CPT1B: variants seen among roughly 807,000 people sequenced by gnomAD.
CPT1B encodes carnitine O-palmitoyltransferase 1, muscle isoform.
CPT1B carries 57 observed loss-of-function variants against 92.7 expected under a neutral mutation model. The observed-to-expected ratio is 0.62, with a 90% CI of 0.50 to 0.77. The LOEUF is 0.77. CPT1B is among the 30% of genes least tolerant of loss of function. The probability of loss-of-function intolerance (pLI) is 0.00; values close to 1 mark genes in which losing one functional copy is unlikely to be tolerated. For missense variants in CPT1B, 983 were observed against 1,017.4 expected (o/e 0.97, Z 0.46); for synonymous variants, 398 against 383.5 (o/e 1.04, Z -0.44).
At position 50,574,029 on chromosome 22, in the gene CPT1B, G is replaced by A. The variant is rs865939711; in HGVS notation, c.970+306C>T. 27 of 689,996 alleles carry A rather than the reference G, an allele frequency of 3.9e-5. No homozygotes were observed. The Middle Eastern group carries it at 2.3e-3, about 60-fold the overall frequency. 42.7% of individuals were successfully genotyped at this position (689,996 alleles called of 1,614,324 possible). The stretch of plus-strand genomic sequence containing the variant: ...AGGCTGCTGCCTCTGCCAGACCCCT[G>A]GGTGCGCCCCTCCCCTCCTCTGCCG... On this transcript the variant is annotated intron_variant, in intron 9 of 19. Coordinates refer to ENST00000312108, the MANE Select transcript of CPT1B (RefSeq NM_152246.3).
In CPT1B at chr22:50,569,328, T is replaced by A; in HGVS notation, c.*2+8A>T. 2 of 1,613,764 alleles carry A rather than the reference T, an allele frequency of 1.2e-6. No homozygotes were observed. Among genetic ancestry groups the A allele is most frequent in the African/African-American group, 2.7e-5 (2 of 75,034 alleles). ...TGGGGACGAAAGGGCAGCTGGCATT[T>A]CTCCAACCTTCAGCTGTAGGCCTTG... On this transcript the variant is annotated splice_region_variant and intron_variant, in intron 19 of 19. Transcript: ENST00000312108.
Position 50,572,106 on chromosome 22 carries a change from T to A in CPT1B, c.1475A>T (p.Asp492Val), listed in dbSNP as rs1282112910. ...GHLWEFVLGT[D>V]SFHLGYTETG... Reference sequence around the variant, plus strand: ...CTCCGTGTAGCCCAGGTGGAAGCTGTCTGTGCCCAGGACAAACTGCAGGGA... The same window carrying A: ...CTCCGTGTAGCCCAGGTGGAAGCTGACTGTGCCCAGGACAAACTGCAGGGA... The change falls in exon 13 of 20, where the codon GAC becomes GTC. Residue 492 changes from aspartate to valine, a missense_variant. By Grantham distance (152) the Asp-to-Val change is radical. Coordinates refer to ENST00000312108, the MANE Select transcript of CPT1B (RefSeq NM_152246.3). 1.2e-6 allele frequency: 2 copies of A among 1,614,084 alleles called. No homozygotes were observed. Among genetic ancestry groups the A allele is most frequent in the Admixed American group, 1.7e-5 (1 of 60,022 alleles).
intron 13 of CPT1B, chr22:50,571,782 C>T (rs1409141891): frequency 1.5e-6 from 1 of 648,548 alleles, no homozygotes; most frequent in African/African-American, 1.8e-5. Flanking sequence ...TCCTCCATCT[C>T]ATGGCTGTCT....
rs536023069 is a variant in CPT1B, at chr22:50,572,052, G to A, written c.1529C>T (p.Pro510Leu). ...CAGCCGTGTAGGAGGTGCGAGCGCA[G>A]GGTTCGGTTTGCCCAGGCAGTGCCC... ...ETGHCLGKPN[P>L]ALAPPTRLQW... Residue 510 changes from proline to leucine, a missense_variant, in exon 13 of 20, where the codon CCT (proline) becomes CTT (leucine). Coordinates refer to ENST00000312108, the MANE Select transcript of CPT1B (RefSeq NM_152246.3). 3.1e-6 allele frequency: 5 copies of A among 1,614,176 alleles called. No individual in the cohort carries two copies. The highest frequency in any genetic ancestry group is 2.2e-5 in the South Asian group (2 of 91,090).
At chr22:50,569,209 G>A in intron 19 of CPT1B, 127 bp downstream of exon 19, 1 of 843,684 alleles carries the variant, frequency 1.2e-6, no homozygotes, top group East Asian at 2.5e-5. Context: ...TGCCCAGCGA[G>A]GACCTGCTGC....
At position 50,571,448 on chromosome 22, in the gene CPT1B, T is replaced by C. The variant is rs769492918; in HGVS notation, c.1667A>G (p.Lys556Arg). 1.2e-6 allele frequency: 2 copies of C among 1,613,688 alleles called. No individual in the cohort carries two copies. The highest frequency in any genetic ancestry group is 1.7e-6 in the Non-Finnish European group (2 of 1,180,016). ...LYCFQFLPFG[K>R]GLIKKCRTSP... is the part of the protein sequence containing the mutation. ...GGTCCGGCACTTCTTGATGAGGCCT[T>C]TGCCAAAGGGCAGGAACTGGAAGCA... Residue 556 changes from lysine (K) to arginine (R), a missense_variant, in exon 14 of 20, where the codon AAA becomes AGA. Physicochemically the swap from Lys to Arg is conservative, Grantham distance 26 (BLOSUM62 2). Coordinates refer to ENST00000312108, the MANE Select transcript of CPT1B (RefSeq NM_152246.3).
chr22:50,572,549 T>C (rs1453966997), intron 11 of CPT1B, among the ~76,000 whole-genome samples: 3 of 152,112 alleles, frequency 2.0e-5, no homozygotes, highest in Non-Finnish European at 4.4e-5. Flanking sequence ...TCCGACTAGC[T>C]GGGATTACAG....
intron 13 of CPT1B, 157 bp downstream of exon 13, chr22:50,571,849 T>A (rs1302477259): frequency 7.8e-6 from 6 of 768,294 alleles, no homozygotes; most frequent in Non-Finnish European, 1.3e-5. Flanking sequence ...TGAAGCCAGT[T>A]TGGACTCTAC....
chr22:50,571,837 C>A, intron 13 of CPT1B, 169 bp downstream of exon 13: 1 of 744,556 alleles, frequency 1.3e-6, no homozygotes. Flanking sequence ...CTCTGTCCTC[C>A]CTGAAGCCAG....
chr22:50,572,433 T>C (rs1460678785), intron 11 of CPT1B, 125 bp from the exon 12 acceptor site: 1 of 654,788 alleles, frequency 1.5e-6, no homozygotes, highest in East Asian at 2.7e-5. Context: ...TCACTTTTTT[T>C]TTAAATTGAG....
chr22:50,577,141 C>G, intron 3 of CPT1B, 107 bp from the exon 4 acceptor site: 2 of 1,424,828 alleles, frequency 1.4e-6, no homozygotes, highest in South Asian at 2.5e-5. Context: ...CCTGGGCACA[C>G]TCATGTCTGA....
chr22:50,576,108 C>T lies in CPT1B; in HGVS notation c.704G>A (p.Ser235Asn), dbSNP rs1050179107. Residue 235 changes from serine (S) to asparagine (N), a missense_variant, in exon 7 of 20, where the codon AGT becomes AAT. Coordinates refer to ENST00000312108, the MANE Select transcript of CPT1B (RefSeq NM_152246.3). The part of the protein sequence containing the change: ...LKSWWASNYV[S>N]DWWEEYIYLR... Reference sequence around the variant, plus strand: ...GTAGATGTACTCTTCCCACCAGTCACTCACCTGTGGGGAGGTGGAAGGTTA... The same window carrying T: ...GTAGATGTACTCTTCCCACCAGTCATTCACCTGTGGGGAGGTGGAAGGTTA... 1 of 1,614,132 alleles carries T rather than the reference C, an allele frequency of 6.2e-7. No homozygotes were observed.
chr22:50,574,070 C>T (rs763982502), intron 9 of CPT1B: 10 of 668,734 alleles, frequency 1.5e-5, no homozygotes, highest in African/African-American at 5.3e-5. Flanking sequence ...ATGGCAGCGC[C>T]GGGTCTGTCC....
At chr22:50,578,002 C>T in intron 1 of CPT1B, 68 bp from the exon 2 acceptor site, 3 of 1,190,766 alleles carry the variant, frequency 2.5e-6, no homozygotes, top group Non-Finnish European at 3.3e-6. Context: ...CGCCGAGACG[C>T]CCCCAGCCAG....
chr22:50,572,794 C>T, intron 11 of CPT1B, 81 bp downstream of exon 11: 1 of 1,474,962 alleles, frequency 6.8e-7, no homozygotes, highest in South Asian at 1.2e-5. Flanking sequence ...CATAACCCTA[C>T]CTTCTTTTAT....
chr22:50,571,607 G>A (rs1315569528), intron 13 of CPT1B, 68 bp from the exon 14 acceptor site: 5 of 1,532,654 alleles, frequency 3.3e-6, no homozygotes, highest in Non-Finnish European at 4.4e-6. Context: ...TCATGTCTAG[G>A]AGGCATGACG....
intron 1 of CPT1B, 43 bp downstream of exon 1, chr22:50,578,343 G>C (rs1357074770): frequency 1.3e-5 from 2 of 152,742 alleles, no homozygotes; most frequent in Non-Finnish European, 2.9e-5. Context: ...CAGGGCTGAG[G>C]GCCCAGACCC....
chr22:50,576,789 C>T, intron 4 of CPT1B, 68 bp downstream of exon 4: 1 of 1,597,554 alleles, frequency 6.3e-7, no homozygotes, highest in Non-Finnish European at 8.6e-7. Flanking sequence ...CCGTCTAGCT[C>T]AGAACCCCAA....
chr22:50,574,459 C>T, intron 8 of CPT1B, 34 bp downstream of exon 8: 2 of 1,613,874 alleles, frequency 1.2e-6, no homozygotes, highest in Non-Finnish European at 1.7e-6. Flanking sequence ...CAGGTCTCCC[C>T]TCCCATCCCA....
Sources: allele counts gnomAD v4.1 joint callset (sites outside exome capture counted in the v4.1 genomes callset), GRCh38; gene constraint gnomAD v4.1.1; transcripts MANE v1.5; gene names NCBI Gene and HGNC (gene_info 2026-07-23, HGNC 2026-07-21).